The following CELSR1 variants were observed in gnomAD, a reference collection of about 807,000 sequenced individuals.
CELSR1 encodes the protein cadherin EGF LAG seven-pass G-type receptor 1, also known as adhesion G protein-coupled receptor C1.
Under a neutral mutation model 249.1 loss-of-function variants are expected in CELSR1, and 110 were observed. That is an observed-to-expected ratio of 0.44 (90% CI 0.38 to 0.52). The LOEUF is 0.52. Ranked by LOEUF, CELSR1 falls within the 20% of genes least tolerant of loss-of-function variation. The pLI is 0.00. For missense variants in CELSR1, 4,109 were observed against 4,296.4 expected (o/e 0.96, Z 1.22); for synonymous variants, 2,113 against 1,900.0 (o/e 1.11, Z -2.92).
At chr22:46,387,475 G>T (rs938569085) in intron 18 of CELSR1, among the ~76,000 whole-genome samples, 8 of 152,008 alleles carry the variant, frequency 5.3e-5, no homozygotes, top group Non-Finnish European at 7.4e-5. Context: ...CTGCCTCCCG[G>T]GTTCAAGCAA....
chr22:46,460,178 AACACACACAC>A lies in CELSR1; in HGVS notation c.4183+3519_4183+3528del, dbSNP rs544352270. Among the ~76,000 whole-genome samples, 231 of 103,036 alleles carry A rather than the reference AACACACACAC, an allele frequency of 2.2e-3. 1 individual carries two copies. The highest frequency in any genetic ancestry group is 7.8e-3 in the African/African-American group (209 of 26,840). The allele number at this position is 103,036 out of a possible 152,430, so 67.6% of individuals were successfully genotyped here. ...GTGACACAGTGAGACTCAGTCTCAAAACACACACACACACACACACACACACACACACACA... is the reference window on the plus strand; with the variant it reads ...GTGACACAGTGAGACTCAGTCTCAAAACACACACACACACACACACACACA... On this transcript the variant is annotated intron_variant, in intron 2 of 34. Transcript: ENST00000674500.
Position 46,536,682 on chromosome 22 carries a change from C to T in CELSR1, c.489G>A (p.Arg163=). 2 of 1,166,456 alleles carry T rather than the reference C, an allele frequency of 1.7e-6. No individual in the cohort carries two copies. The highest frequency in any genetic ancestry group is 2.1e-6 in the Non-Finnish European group (2 of 947,878). 72.3% of individuals were successfully genotyped at this position (1,166,456 alleles called of 1,614,324 possible). Residue 163 remains arginine, a synonymous_variant, in exon 1 of 35, where the codon AGG becomes AGA. Transcript: ENST00000674500. ...LPACRCPPRP[R]PRCPGRPICL... Reference sequence around the variant, plus strand: ...AGATGGGACGGCCGGGACAGCGGGGCCTGGGGCGCGGCGGGCAGCGGCAGG... The same window carrying T: ...AGATGGGACGGCCGGGACAGCGGGGTCTGGGGCGCGGCGGGCAGCGGCAGG...
rs1268382568 is a variant in CELSR1, at chr22:46,393,296, C to G, written c.5964+846G>C. Among the ~76,000 whole-genome samples the G allele has an allele frequency of 2.0e-5, 3 of 152,222 alleles. No homozygotes were observed. The highest frequency in any genetic ancestry group is 4.4e-5 in the Non-Finnish European group (3 of 68,044). ...GGGTCCCTAGAGTCTGCACTGAGAA[C>G]GCGTGTGCATTTCTGGAGACACGAG... is the stretch of plus-strand genomic sequence containing the variant. On this transcript the variant is annotated intron_variant, in intron 14 of 34. Coordinates refer to ENST00000674500, the MANE Select transcript of CELSR1 (RefSeq NM_001378328.1). The surrounding 1 kb of genome is among the most constrained non-coding windows in gnomAD (Gnocchi z 4.1).
chr22:46,477,802 G>A (rs953582778), intron 1 of CELSR1, among the ~76,000 whole-genome samples: 2 of 152,088 alleles, frequency 1.3e-5, no homozygotes, highest in Admixed American at 6.6e-5. Flanking sequence ...CACGGCACCT[G>A]GCCAATGCTG....
chr22:46,431,242 G>A (rs576292983), intron 5 of CELSR1, among the ~76,000 whole-genome samples: 3 of 152,216 alleles, frequency 2.0e-5, no homozygotes, highest in Admixed American at 1.3e-4. Context: ...GGCCACAGGC[G>A]GGCCCCAGTG....
Position 46,430,433 on chromosome 22 carries a change from G to A in CELSR1, c.4611+2960C>T, listed in dbSNP as rs1338361621. 6.6e-6 allele frequency among the ~76,000 whole-genome samples: 1 copy of A among 152,078 alleles called. No homozygotes were observed. Among genetic ancestry groups the A allele is most frequent in the Non-Finnish European group, 1.5e-5 (1 of 67,996 alleles). Reference sequence around the variant, plus strand: ...AGCCAAGGCAGGCAGGGACGCGTGTGCAGGGGGGTTCCCTCGGCAGTGTCA... The same window carrying A: ...AGCCAAGGCAGGCAGGGACGCGTGTACAGGGGGGTTCCCTCGGCAGTGTCA... On this transcript the variant is annotated intron_variant, in intron 5 of 34. Coordinates refer to ENST00000674500, the MANE Select transcript of CELSR1 (RefSeq NM_001378328.1). This position sits in a 1 kb window ranked among gnomAD's most constrained non-coding sequence, Gnocchi z 4.6.
In CELSR1 at chr22:46,501,199, A is replaced by ATT. The variant is rs57293109; in HGVS notation, c.3544+32426_3544+32427dup. ...AGGCACCCGCCATCATGCCCGGCTA[A>ATT]TTTTTTTTTTTTTTTTTTTTTTTTT... On this transcript the variant is annotated intron_variant, in intron 1 of 34. Coordinates refer to ENST00000674500, the MANE Select transcript of CELSR1 (RefSeq NM_001378328.1). Among the ~76,000 whole-genome samples the ATT allele has an allele frequency of 4.0e-3, 429 of 108,494 alleles. 3 individuals carry two copies. The highest frequency in any genetic ancestry group is 0.011 in the African/African-American group (270 of 24,578). The allele number at this position is 108,494 out of a possible 152,430, so 71.2% of individuals were successfully genotyped here.
At chr22:46,503,914 G>A (rs1039336196) in intron 1 of CELSR1, among the ~76,000 whole-genome samples, 3 of 152,138 alleles carry the variant, frequency 2.0e-5, no homozygotes, top group Non-Finnish European at 4.4e-5. Context: ...TGCATCCGTA[G>A]TCCCAGCTAC....
In CELSR1 at chr22:46,448,368, C is replaced by T. The variant is rs1275736818; in HGVS notation, c.4184-8957G>A. Among the ~76,000 whole-genome samples the T allele has an allele frequency of 6.6e-6, 1 of 152,086 alleles. No homozygotes were observed. Among genetic ancestry groups the T allele is most frequent in the Non-Finnish European group, 1.5e-5 (1 of 68,006 alleles). The stretch of plus-strand genomic sequence containing the variant: ...TCCAGAACTTACCCCTGGGGGGCTG[C>T]TCCAGGAGCTAGGAGAAGAGAGATG... On this transcript the variant is annotated intron_variant, in intron 2 of 34. Transcript: ENST00000674500. This position sits in a 1 kb window ranked among gnomAD's most constrained non-coding sequence, Gnocchi z 5.7.
At position 46,413,687 on chromosome 22, in the gene CELSR1, A is replaced by G. The variant is rs2147344939; in HGVS notation, c.4612-1928T>C. Among the ~76,000 whole-genome samples the G allele has an allele frequency of 2.6e-5, 4 of 152,322 alleles. No homozygotes were observed. The East Asian group carries it at 7.7e-4, about 29-fold the overall frequency. On this transcript the variant is annotated intron_variant, in intron 5 of 34. Coordinates refer to ENST00000674500, the MANE Select transcript of CELSR1 (RefSeq NM_001378328.1). The surrounding 1 kb of genome is among the most constrained non-coding windows in gnomAD (Gnocchi z 4.7). ...GCTGATGAAATCACAAGGTCTGATA[A>G]GCTGTCTCCTTAAAGACTCCACTTT...
At chr22:46,530,809 G>A (rs542904537) in intron 1 of CELSR1, among the ~76,000 whole-genome samples, 18 of 152,276 alleles carry the variant, frequency 1.2e-4, no homozygotes, top group Admixed American at 9.8e-4. Flanking sequence ...CCTCCGATGC[G>A]CTCCTCCCTC....
chr22:46,371,863 T>A (rs958352740), intron 25 of CELSR1, among the ~76,000 whole-genome samples: 2 of 128,860 alleles, frequency 1.6e-5, no homozygotes, highest in African/African-American at 6.8e-5. Flanking sequence ...CACTCACTTA[T>A]CCAATCCATC....
At chr22:46,366,086 T>G (rs1296500710) in intron 30 of CELSR1, among the ~76,000 whole-genome samples, 2 of 4,688 alleles carry the variant, frequency 4.3e-4, no homozygotes, top group African/African-American at 0.011. Flanking sequence ...GGGGGAAGGC[T>G]GCGGGGGGAA....
intron 1 of CELSR1, 93 bp downstream of exon 1, chr22:46,533,534 G>GC (rs2080814077): frequency 1.4e-6 from 2 of 1,481,382 alleles, no homozygotes; most frequent in Admixed American, 4.6e-5. Context: ...GCCCAATTGC[G>GC]CCCCGGCATG....
chr22:46,509,680 C>T (rs2080552600), intron 1 of CELSR1, among the ~76,000 whole-genome samples: 1 of 152,144 alleles, frequency 6.6e-6, no homozygotes, highest in Admixed American at 6.5e-5. Flanking sequence ...GCTGTCAGCT[C>T]AAGTGAGTAG....
rs187108505 is a variant in CELSR1 at position 46,417,844 on chromosome 22, T to G, written c.4612-6085A>C. Among the ~76,000 whole-genome samples, 2 of 152,390 alleles carry G rather than the reference T, an allele frequency of 1.3e-5. No individual in the cohort carries two copies. Among genetic ancestry groups the G allele is most frequent in the Admixed American group, 1.3e-4 (2 of 15,310 alleles). ...GGCGTGGCTGATATTACTATCATCC[T>G]CATTCTCAACTCAGAGTCCAGCTGG... On this transcript the variant is annotated intron_variant, in intron 5 of 34. Coordinates refer to ENST00000674500, the MANE Select transcript of CELSR1 (RefSeq NM_001378328.1). This position sits in a 1 kb window ranked among gnomAD's most constrained non-coding sequence, Gnocchi z 4.1.
Position 46,384,741 on chromosome 22 carries a change from T to C in CELSR1, c.6740-55A>G, listed in dbSNP as rs1240901498. The C allele has an allele frequency of 6.5e-6, 10 of 1,538,778 alleles. No individual in the cohort carries two copies. In the East Asian group the frequency reaches 2.3e-4, roughly 35 times the overall value. On this transcript the variant is annotated intron_variant, in intron 19 of 34. Transcript: ENST00000674500. The stretch of plus-strand genomic sequence containing the variant: ...AACTCCCAGGGCTTTCTTGAACCCC[T>C]GCTGTTTTCAAAATGACCACAACTG...
intron 1 of CELSR1, among the ~76,000 whole-genome samples, 157 bp downstream of exon 1, chr22:46,533,470 C>T (rs935778763): frequency 7.2e-5 from 11 of 152,250 alleles, no homozygotes; most frequent in African/African-American, 2.4e-4. Flanking sequence ...GCCGGGCGCC[C>T]ACCCCCAGCA....
Position 46,409,731 on chromosome 22 carries a change from G to C in CELSR1, c.5059+24C>G, listed in dbSNP as rs1354950852. On this transcript the variant is annotated intron_variant, in intron 8 of 34. Transcript: ENST00000674500. The surrounding 1 kb of genome is among the most constrained non-coding windows in gnomAD (Gnocchi z 9.8). Reference sequence around the variant, plus strand: ...GCCTCCCAGGCCGCCGTGACCGGGGGGATGGACGACGCCGGCCACTCACCT... The same window carrying C: ...GCCTCCCAGGCCGCCGTGACCGGGGCGATGGACGACGCCGGCCACTCACCT... The C allele has an allele frequency of 3.1e-6, 5 of 1,610,950 alleles. No individual in the cohort carries two copies. The highest frequency in any genetic ancestry group is 1.6e-4 in the Middle Eastern group (1 of 6,062).
Sources: allele counts gnomAD v4.1 joint callset (sites outside exome capture counted in the v4.1 genomes callset), GRCh38; gene constraint gnomAD v4.1.1; non-coding constraint Gnocchi (gnomAD v3.1); transcripts MANE v1.5; gene names NCBI Gene and HGNC (gene_info 2026-07-23, HGNC 2026-07-21).